CAV1: variants seen among roughly 807,000 people sequenced by gnomAD.
CAV1 encodes caveolin-1.
CAV1 carries 10 observed loss-of-function variants against 16.5 expected under a neutral mutation model. The ratio of observed to expected loss-of-function variants is 0.61; its 90% CI spans 0.37 to 1.03. The LOEUF (loss-of-function observed/expected upper bound fraction) is 1.03. Among genes scored for constraint, CAV1 ranks in the 50% least tolerant of loss-of-function variants. The pLI, the probability that CAV1 is intolerant of heterozygous loss-of-function variation, is 0.01. For missense variants in CAV1, 212 were observed against 232.8 expected (o/e 0.91, Z 0.58); for synonymous variants, 76 against 85.1 (o/e 0.89, Z 0.59).
At chr7:116,532,777 G>A (rs1445968433) in intron 2 of CAV1, among the ~76,000 whole-genome samples, 4 of 152,196 alleles carry the variant, frequency 2.6e-5, no homozygotes, top group Admixed American at 2.0e-4. Flanking sequence ...CTTGAATGTG[G>A]TGATTCTAAA....
At chr7:116,549,559 TTTTTA>T (rs1794117395) in intron 2 of CAV1, among the ~76,000 whole-genome samples, 1 of 152,086 alleles carries the variant, frequency 6.6e-6, no homozygotes. Context: ...TTATTTATTG[TTTTTA>T]TTTATTTTAT....
chr7:116,537,759 C>T (rs1393413403), intron 2 of CAV1, among the ~76,000 whole-genome samples: 3 of 152,094 alleles, frequency 2.0e-5, no homozygotes, highest in Admixed American at 6.5e-5. Flanking sequence ...TAGGATCAGA[C>T]CCTAGATCTT....
At chr7:116,526,958 A>C in intron 2 of CAV1, 1 of 508,726 alleles carries the variant, frequency 2.0e-6, no homozygotes. Flanking sequence ...CTATAACTAC[A>C]CTTTTATCCT....
At chr7:116,546,526 C>T (rs1198168590) in intron 2 of CAV1, among the ~76,000 whole-genome samples, 1 of 144,046 alleles carries the variant, frequency 6.9e-6, no homozygotes, top group Non-Finnish European at 1.5e-5. Flanking sequence ...CCTGCCTCTA[C>T]TAAAAATAAA....
At chr7:116,527,901 G>T (rs1793601992) in intron 2 of CAV1, among the ~76,000 whole-genome samples, 1 of 152,138 alleles carries the variant, frequency 6.6e-6, no homozygotes, top group Non-Finnish European at 1.5e-5. Flanking sequence ...GACTCCCTTG[G>T]CTTCCTGGAG....
At chr7:116,557,679 G>A (rs929655113) in intron 2 of CAV1, among the ~76,000 whole-genome samples, 8 of 152,080 alleles carry the variant, frequency 5.3e-5, no homozygotes, top group Admixed American at 2.0e-4. Flanking sequence ...ACCAAGTCCT[G>A]TGGATTCTTC....
intron 2 of CAV1, among the ~76,000 whole-genome samples, chr7:116,542,443 G>A (rs1428328130): frequency 1.3e-5 from 2 of 152,124 alleles, no homozygotes; most frequent in Non-Finnish European, 2.9e-5. Flanking sequence ...TGCTGCTAAT[G>A]TATAGCTAAA....
chr7:116,551,634 T>C (rs1794164009), intron 2 of CAV1, among the ~76,000 whole-genome samples: 1 of 152,142 alleles, frequency 6.6e-6, no homozygotes, highest in East Asian at 1.9e-4. Flanking sequence ...AATTATATTG[T>C]CCAGCTGCAT....
intron 2 of CAV1, among the ~76,000 whole-genome samples, chr7:116,550,744 A>C (rs1794143131): frequency 6.6e-6 from 1 of 152,200 alleles, no homozygotes. Context: ...GTACATTAGG[A>C]TTTTACAAGT....
At chr7:116,525,985 G>A (rs879537319) in intron 1 of CAV1, 25 of 284,896 alleles carry the variant, frequency 8.8e-5, no homozygotes, top group South Asian at 4.0e-4. Flanking sequence ...AAGAAGCAGC[G>A]ATAAAGGGAA....
In CAV1 at chr7:116,559,531, T is replaced by C; in HGVS notation, c.*244T>C. On this transcript the variant is annotated 3_prime_UTR_variant, in exon 3 of 3. Coordinates refer to ENST00000341049, the MANE Select transcript of CAV1 (RefSeq NM_001753.5). The stretch of plus-strand genomic sequence containing the variant: ...TTTTTTCCTTACCTTTTTATTTGCA[T>C]GTGGATCAACCATCGCTTTATTGGC... The C allele has an allele frequency of 8.3e-6, 5 of 599,712 alleles. No homozygotes were observed. The highest frequency in any genetic ancestry group is 1.5e-5 in the Non-Finnish European group (5 of 340,542). 37.1% of individuals were successfully genotyped at this position (599,712 alleles called of 1,614,324 possible).
chr7:116,552,232 T>C (rs754430929), intron 2 of CAV1, among the ~76,000 whole-genome samples: 6 of 152,156 alleles, frequency 3.9e-5, no homozygotes, highest in Non-Finnish European at 7.4e-5. Context: ...GAAAAGAATA[T>C]ATTAATTTGT....
chr7:116,529,389 A>C (rs7778733), intron 2 of CAV1, among the ~76,000 whole-genome samples: 40,035 of 152,152 alleles, frequency 0.26, 6,439 homozygotes, highest in East Asian at 0.55. Flanking sequence ...CAAGTAATTA[A>C]TATCAAGTAA....
In CAV1 at chr7:116,525,829, T is replaced by C. The variant is rs557389708; in HGVS notation, c.31-696T>C. 3 of 1,005,384 alleles carry C rather than the reference T, an allele frequency of 3.0e-6. No individual in the cohort carries two copies. The South Asian group carries it at 1.3e-4, about 45-fold the overall frequency. 62.3% of individuals were successfully genotyped at this position (1,005,384 alleles called of 1,614,324 possible). ...AGGTGAGACTGAGTTCTAGGACATT[T>C]AGGGGGTCTGGTGCCTGGCTCCGCC... On this transcript the variant is annotated intron_variant, in intron 1 of 2. Coordinates refer to ENST00000341049, the MANE Select transcript of CAV1 (RefSeq NM_001753.5).
At chr7:116,550,729 G>A (rs564745201) in intron 2 of CAV1, among the ~76,000 whole-genome samples, 1 of 152,286 alleles carries the variant, frequency 6.6e-6, no homozygotes, top group East Asian at 1.9e-4. Context: ...AACTGGGTTT[G>A]ACACGTACAT....
At chr7:116,541,138 C>T (rs534773944) in intron 2 of CAV1, among the ~76,000 whole-genome samples, 3 of 152,274 alleles carry the variant, frequency 2.0e-5, no homozygotes, top group African/African-American at 7.2e-5. Context: ...GATTCTGTAC[C>T]TCTTCTGCTT....
At chr7:116,545,354 G>T (rs541602652) in intron 2 of CAV1, among the ~76,000 whole-genome samples, 2 of 152,294 alleles carry the variant, frequency 1.3e-5, no homozygotes, top group East Asian at 3.9e-4. Flanking sequence ...GAAAAACCCT[G>T]TTGTAGAGGT....
At chr7:116,541,931 C>A (rs140816269) in intron 2 of CAV1, among the ~76,000 whole-genome samples, 4 of 152,188 alleles carry the variant, frequency 2.6e-5, no homozygotes, top group South Asian at 2.1e-4. Context: ...GTTTAACTGG[C>A]GCATAACAGC....
At chr7:116,546,364 G>C (rs188120086) in intron 2 of CAV1, among the ~76,000 whole-genome samples, 1 of 152,048 alleles carries the variant, frequency 6.6e-6, no homozygotes, top group African/African-American at 2.4e-5. Flanking sequence ...TCTGCAGTGC[G>C]GTTTTAGATT....
Sources: allele counts gnomAD v4.1 joint callset (sites outside exome capture counted in the v4.1 genomes callset), GRCh38; gene constraint gnomAD v4.1.1; transcripts MANE v1.5; gene names NCBI Gene and HGNC (gene_info 2026-07-23, HGNC 2026-07-21).